CPA6: variants seen among roughly 807,000 people sequenced by gnomAD.
CPA6 encodes the protein carboxypeptidase B.
Under a neutral mutation model 63.3 loss-of-function variants are expected in CPA6, and 58 were observed. The observed-to-expected ratio is 0.92, with a 90% CI of 0.74 to 1.14. The LOEUF (loss-of-function observed/expected upper bound fraction) is 1.14, where lower values mean the gene tolerates loss of function less well. Among genes scored for constraint, CPA6 ranks in the 50% most tolerant of loss-of-function variants. The pLI, the probability that CPA6 is intolerant of heterozygous loss-of-function variation, is 0.00. For synonymous variants in CPA6, 185 were observed against 179.0 expected (o/e 1.03, Z -0.27); for missense variants, 565 against 526.6 (o/e 1.07, Z -0.71).
At chr8:67,544,908 T>G (rs1812781312) in intron 2 of CPA6, among the ~76,000 whole-genome samples, 1 of 152,174 alleles carries the variant, frequency 6.6e-6, no homozygotes, top group South Asian at 2.1e-4. Flanking sequence ...CTAGAAGCTA[T>G]TTGCAGATAT....
chr8:67,547,431 A>G (rs1184788538), intron 2 of CPA6, among the ~76,000 whole-genome samples: 1 of 152,236 alleles, frequency 6.6e-6, no homozygotes, highest in East Asian at 1.9e-4. Context: ...ATAAAAGTGA[A>G]AAAAGACTAA....
chr8:67,704,646 T>G (rs1431351120), intron 1 of CPA6, among the ~76,000 whole-genome samples: 7 of 152,182 alleles, frequency 4.6e-5, no homozygotes, highest in East Asian at 1.9e-4. Context: ...GGGCTTCTGT[T>G]CATTCCAGTA....
intron 9 of CPA6, 137 bp downstream of exon 9, chr8:67,433,901 A>C: frequency 1.6e-6 from 1 of 644,132 alleles, no homozygotes; most frequent in Middle Eastern, 4.3e-4. Context: ...ATGAAGAATA[A>C]ATGAATTAAT....
intron 1 of CPA6, among the ~76,000 whole-genome samples, chr8:67,698,194 C>A (rs1816947374): frequency 6.6e-6 from 1 of 152,100 alleles, no homozygotes; most frequent in Admixed American, 6.6e-5. Flanking sequence ...GAAGAGCCTT[C>A]CCTCTTATGT....
intron 1 of CPA6, among the ~76,000 whole-genome samples, chr8:67,626,619 C>T (rs1815200111): frequency 6.6e-6 from 1 of 152,186 alleles, no homozygotes; most frequent in South Asian, 2.1e-4. Flanking sequence ...AATGTAACCA[C>T]ATCTCTTCTC....
chr8:67,579,912 C>G (rs1429102400), intron 2 of CPA6, among the ~76,000 whole-genome samples: 1 of 152,190 alleles, frequency 6.6e-6, no homozygotes, highest in Non-Finnish European at 1.5e-5. Context: ...AATATTTACT[C>G]TCTGTATCTT....
chr8:67,727,172 TAC>T, intron 1 of CPA6, among the ~76,000 whole-genome samples: 1 of 152,312 alleles, frequency 6.6e-6, no homozygotes, highest in South Asian at 2.1e-4. Context: ...AACCCTATGT[TAC>T]AGTGTCACTT....
At chr8:67,508,714 T>C (rs1319711381) in intron 5 of CPA6, among the ~76,000 whole-genome samples, 1 of 152,038 alleles carries the variant, frequency 6.6e-6, no homozygotes, top group Non-Finnish European at 1.5e-5. Context: ...GTCTGAATGA[T>C]AGGAGAGGAA....
chr8:67,585,409 G>T (rs1010614806), intron 2 of CPA6, among the ~76,000 whole-genome samples: 2 of 152,082 alleles, frequency 1.3e-5, no homozygotes, highest in Non-Finnish European at 2.9e-5. Flanking sequence ...ACTTTTATTT[G>T]GAGTTGCACC....
chr8:67,423,343 C>T (rs145067550), intron 10 of CPA6, among the ~76,000 whole-genome samples: 5,646 of 152,310 alleles, frequency 0.037, 328 homozygotes, highest in African/African-American at 0.12. Flanking sequence ...CCTTGGCCTC[C>T]CAAAGTGCTG....
chr8:67,660,775 CG>C (rs1436722177), intron 1 of CPA6, among the ~76,000 whole-genome samples: 2 of 151,994 alleles, frequency 1.3e-5, no homozygotes, highest in Non-Finnish European at 1.5e-5. Flanking sequence ...TTGATTCCAT[CG>C]GTTTTCCAAA....
chr8:67,519,686 C>T (rs777666759), intron 2 of CPA6, among the ~76,000 whole-genome samples: 19 of 152,154 alleles, frequency 1.2e-4, no homozygotes, highest in Non-Finnish European at 2.4e-4. Flanking sequence ...CAGCGCACAA[C>T]GGAAGTGTGA....
chr8:67,515,363 C>T (rs1280407327), intron 3 of CPA6, among the ~76,000 whole-genome samples: 3 of 152,150 alleles, frequency 2.0e-5, no homozygotes, highest in African/African-American at 7.2e-5. Context: ...GTCTCCCTTC[C>T]TTTGTAAATG....
chr8:67,552,025 C>G (rs1038789236), intron 2 of CPA6, among the ~76,000 whole-genome samples: 2 of 152,138 alleles, frequency 1.3e-5, no homozygotes, highest in Non-Finnish European at 2.9e-5. Context: ...GACTTTTTCT[C>G]CTTTTTATCT....
chr8:67,734,469 T>TC (rs139972304), intron 1 of CPA6, among the ~76,000 whole-genome samples: 2 of 151,824 alleles, frequency 1.3e-5, no homozygotes, highest in African/African-American at 4.8e-5. Context: ...GATATTACAT[T>TC]AAGATTTCTG....
intron 2 of CPA6, among the ~76,000 whole-genome samples, chr8:67,590,707 A>G (rs866459449): frequency 0.023 from 3,441 of 152,066 alleles, 66 homozygotes; most frequent in African/African-American, 0.051. Flanking sequence ...GTGTCTGTTC[A>G]TATCCTTTGC....
chr8:67,430,354 AT>A (rs1810000782), intron 9 of CPA6, among the ~76,000 whole-genome samples: 1 of 151,500 alleles, frequency 6.6e-6, no homozygotes, highest in African/African-American at 2.4e-5. Flanking sequence ...TAATTTTTGT[AT>A]TTTTAGTAGA....
Position 67,619,578 on chromosome 8 carries a change from G to A in CPA6, c.192+4598C>T, listed in dbSNP as rs115295170. On this transcript the variant is annotated intron_variant, in intron 2 of 10. Transcript: ENST00000297770. ...CTGAGATCCACATTGTGGGGAGCAC[G>A]GACCACCTGCTCCCCACATTGTTCC... Among the ~76,000 whole-genome samples, 337 of 152,166 alleles carry A rather than the reference G, an allele frequency of 2.2e-3. 3 individuals are homozygous for A. The highest frequency in any genetic ancestry group is 7.7e-3 in the African/African-American group (320 of 41,510).
chr8:67,714,625 TG>T (rs1481312879), intron 1 of CPA6, among the ~76,000 whole-genome samples: 2 of 152,116 alleles, frequency 1.3e-5, no homozygotes, highest in Non-Finnish European at 2.9e-5. Context: ...CAGTCAGCCA[TG>T]ATAGCACCAC....
Sources: allele counts gnomAD v4.1 joint callset (sites outside exome capture counted in the v4.1 genomes callset), GRCh38; gene constraint gnomAD v4.1.1; transcripts MANE v1.5; gene names NCBI Gene and HGNC (gene_info 2026-07-23, HGNC 2026-07-21).